Variants in CDH13 observed in about 807,000 individuals in gnomAD.
CDH13 encodes cadherin 13, also known as cadherin-13.
In CDH13, 24 loss-of-function variants were observed where a neutral mutation model predicts 63.8. The ratio of observed to expected loss-of-function variants is 0.38; its 90% CI spans 0.27 to 0.53. The LOEUF (loss-of-function observed/expected upper bound fraction) is 0.53. Among genes scored for constraint, CDH13 ranks in the 20% least tolerant of loss-of-function variants. CDH13 has a pLI of 0.85. For synonymous variants in CDH13, 503 were observed against 355.3 expected, an observed-to-expected ratio of 1.42 and a Z score of -4.67; for missense variants, 1,049 against 903.1, an observed-to-expected ratio of 1.16 and a Z score of -2.07.
At chr16:83,375,372 C>G (rs1465260970) in intron 6 of CDH13, among the ~76,000 whole-genome samples, 4 of 152,180 alleles carry the variant, frequency 2.6e-5, no homozygotes, top group Non-Finnish European at 4.4e-5. Context: ...TAAGGAGGGT[C>G]TGAAGTGTAC....
intron 2 of CDH13, among the ~76,000 whole-genome samples, chr16:83,005,492 C>A (rs922187914): frequency 6.6e-6 from 1 of 152,172 alleles, no homozygotes; most frequent in African/African-American, 2.4e-5. Flanking sequence ...CTCCCACCAA[C>A]AACCTCAGGC....
In CDH13 at chr16:83,081,043, G is replaced by A. The variant is rs181330988; in HGVS notation, c.367-44342G>A. 2.6e-3 allele frequency among the ~76,000 whole-genome samples: 388 copies of A among 151,566 alleles called. 6 individuals carry two copies. The highest frequency in any genetic ancestry group is 5.0e-4 in the Non-Finnish European group (34 of 67,860). On this transcript the variant is annotated intron_variant, in intron 3 of 13. Transcript: ENST00000567109. ...ACTACAGGCATGCGCCACCAGGCCC[G>A]GCTAATTTTTTATTTTTAGTACAGA...
At chr16:83,371,299 C>G (rs550065012) in intron 6 of CDH13, among the ~76,000 whole-genome samples, 3 of 152,342 alleles carry the variant, frequency 2.0e-5, no homozygotes, top group Admixed American at 6.5e-5. Flanking sequence ...CTTCCTGCAT[C>G]TTCAGTCACA....
chr16:83,509,014 A>C (rs3924392), intron 7 of CDH13, among the ~76,000 whole-genome samples: 1 of 151,974 alleles, frequency 6.6e-6, no homozygotes, highest in African/African-American at 2.4e-5. Context: ...TGGGGTCTGC[A>C]TAGCATGCAC....
intron 10 of CDH13, among the ~76,000 whole-genome samples, chr16:83,713,041 A>G (rs1908301827): frequency 6.6e-6 from 1 of 152,206 alleles, no homozygotes; most frequent in Non-Finnish European, 1.5e-5. Flanking sequence ...CCCTGTTTAA[A>G]ATGATCTGAG....
At chr16:83,687,942 G>T (rs1294841067) in intron 10 of CDH13, among the ~76,000 whole-genome samples, 1 of 152,164 alleles carries the variant, frequency 6.6e-6, no homozygotes, top group Non-Finnish European at 1.5e-5. Flanking sequence ...TTTCTTTGGG[G>T]CTCTGTCTTT....
intron 7 of CDH13, among the ~76,000 whole-genome samples, chr16:83,570,497 T>A (rs62040174): frequency 0.076 from 11,621 of 151,916 alleles, 619 homozygotes; most frequent in South Asian, 0.15. Flanking sequence ...AGGAAAAACG[T>A]ACTGCTGCCC....
chr16:83,414,511 T>C (rs4782533), intron 6 of CDH13, among the ~76,000 whole-genome samples: 151,634 of 152,298 alleles, frequency 1, 75,494 homozygotes, highest in Middle Eastern at 1. Context: ...TATGGCAGAT[T>C]GCTAGAACCC....
chr16:83,351,228 A>C (rs2090945090), intron 6 of CDH13, among the ~76,000 whole-genome samples: 1 of 148,242 alleles, frequency 6.7e-6, no homozygotes, highest in South Asian at 2.1e-4. Flanking sequence ...TCCATTCTCA[A>C]CTGCCCCAAC....
chr16:83,231,654 C>T (rs545786636), intron 5 of CDH13, among the ~76,000 whole-genome samples: 2 of 152,320 alleles, frequency 1.3e-5, no homozygotes, highest in Non-Finnish European at 1.5e-5. Flanking sequence ...TGGCCTCTTC[C>T]ACCCTGCAGC....
chr16:83,686,104 A>G (rs1018178751), intron 10 of CDH13, among the ~76,000 whole-genome samples: 5 of 152,220 alleles, frequency 3.3e-5, no homozygotes, highest in Non-Finnish European at 5.9e-5. Context: ...AAAGGAGGAA[A>G]GCACACAAGC....
At chr16:82,932,867 A>G (rs2042543162) in intron 2 of CDH13, among the ~76,000 whole-genome samples, 1 of 152,212 alleles carries the variant, frequency 6.6e-6, no homozygotes, top group Non-Finnish European at 1.5e-5. Context: ...TAAACAATGA[A>G]CTTTACTAGT....
intron 6 of CDH13, among the ~76,000 whole-genome samples, chr16:83,383,437 A>C (rs1193825252): frequency 1.3e-5 from 2 of 152,112 alleles, no homozygotes; most frequent in Non-Finnish European, 2.9e-5. Context: ...TCAACTCACA[A>C]GCCTTGACTC....
At chr16:83,113,169 A>G (rs59862761) in intron 3 of CDH13, among the ~76,000 whole-genome samples, 3,243 of 152,326 alleles carry the variant, frequency 0.021, 116 homozygotes, top group African/African-American at 0.074. Context: ...AATTTTCTAA[A>G]AATTTTCTAT....
chr16:82,784,895 G>A (rs895246377), intron 1 of CDH13, among the ~76,000 whole-genome samples: 2 of 152,188 alleles, frequency 1.3e-5, no homozygotes, highest in East Asian at 1.9e-4. Flanking sequence ...AAAGGGCAGC[G>A]AGGCTGATGC....
intron 3 of CDH13, among the ~76,000 whole-genome samples, chr16:83,056,583 G>C (rs1271801079): frequency 1.3e-5 from 2 of 152,188 alleles, no homozygotes; most frequent in Non-Finnish European, 2.9e-5. Flanking sequence ...TTCAACAGCA[G>C]GCAGAACTAA....
At chr16:83,787,509 G>C (rs996660487) in intron 13 of CDH13, among the ~76,000 whole-genome samples, 8 of 152,154 alleles carry the variant, frequency 5.3e-5, no homozygotes, top group African/African-American at 1.9e-4. Context: ...CTTATCAGCA[G>C]ACACATTCGA....
At chr16:82,713,886 T>A (rs2032155566) in intron 1 of CDH13, among the ~76,000 whole-genome samples, 1 of 151,342 alleles carries the variant, frequency 6.6e-6, no homozygotes, top group African/African-American at 2.4e-5. Flanking sequence ...TGAGATCATA[T>A]CTTGGAAGTG....
intron 3 of CDH13, among the ~76,000 whole-genome samples, chr16:83,124,905 G>C (rs1416962210): frequency 6.6e-6 from 1 of 152,166 alleles, no homozygotes; most frequent in South Asian, 2.1e-4. Flanking sequence ...GTACCATCCT[G>C]TTTTGGTTAC....
Sources: allele counts gnomAD v4.1 joint callset (sites outside exome capture counted in the v4.1 genomes callset), GRCh38; gene constraint gnomAD v4.1.1; transcripts MANE v1.5; gene names NCBI Gene and HGNC (gene_info 2026-07-23, HGNC 2026-07-21).